Variants in DGKB observed in about 807,000 individuals in gnomAD.
DGKB encodes 90 kDa diacylglycerol kinase.
A neutral mutation model predicts 114.3 loss-of-function variants in DGKB; 67 were observed. That is an observed-to-expected ratio of 0.59 (90% confidence interval 0.48 to 0.72). The LOEUF (loss-of-function observed/expected upper bound fraction) is 0.72. Among genes scored for constraint, DGKB ranks in the 30% least tolerant of loss-of-function variants. DGKB has a pLI of 0.00. For synonymous variants in DGKB, 398 were observed against 323.1 expected, an observed-to-expected ratio of 1.23 and a Z score of -2.49; for missense variants, 907 against 975.2, an observed-to-expected ratio of 0.93 and a Z score of 0.93.
At chr7:14,605,652 G>A (rs1343097604) in intron 17 of DGKB, among the ~76,000 whole-genome samples, 1 of 151,890 alleles carries the variant, frequency 6.6e-6, no homozygotes, top group Non-Finnish European at 1.5e-5. Context: ...AACTGAAAGA[G>A]TAGAAGGAAA....
chr7:14,809,176 C>A (rs565773874), intron 2 of DGKB, among the ~76,000 whole-genome samples: 1 of 151,778 alleles, frequency 6.6e-6, no homozygotes, highest in Non-Finnish European at 1.5e-5. Flanking sequence ...AATTCTATCC[C>A]GAAATTTAAG....
rs551618345 is a variant in DGKB at position 14,689,199 on chromosome 7, A to ATTTTTTTTTTTTTTTTT, written c.712-3854_712-3838dup. On this transcript the variant is annotated intron_variant, in intron 9 of 25. Coordinates refer to ENST00000402815, the MANE Select transcript of DGKB (RefSeq NM_001350709.2). ...TGACAATGTGACAGAAACTCCTCTT[A>ATTTTTTTTTTTTTTTTT]TTTTTTTTTTTTTTTTTTTTTTTTT... is the stretch of plus-strand genomic sequence containing the variant. Among the ~76,000 whole-genome samples the ATTTTTTTTTTTTTTTTT allele has an allele frequency of 1.8e-3, 136 of 76,552 alleles. 22 individuals carry two copies. Among genetic ancestry groups the ATTTTTTTTTTTTTTTTT allele is most frequent in the East Asian group, 9.1e-3 (13 of 1,424 alleles). The allele number at this position is 76,552 out of a possible 152,430, so 50.2% of individuals were successfully genotyped here.
intron 23 of DGKB, among the ~76,000 whole-genome samples, chr7:14,262,456 T>G (rs1477781545): frequency 1.3e-5 from 2 of 152,068 alleles, no homozygotes; most frequent in African/African-American, 4.8e-5. Context: ...TGAGTGAGAG[T>G]GAGAGCACAG....
chr7:14,175,899 G>T (rs1189123455), intron 25 of DGKB: 2 of 152,032 alleles, frequency 1.3e-5, no homozygotes, highest in African/African-American at 4.8e-5. Context: ...CCGCCTCCCG[G>T]GTTCAAGTGA....
At chr7:14,169,619 C>T (rs528406476) in intron 25 of DGKB, among the ~76,000 whole-genome samples, 1 of 152,144 alleles carries the variant, frequency 6.6e-6, no homozygotes, top group South Asian at 2.1e-4. Flanking sequence ...AGATTCTGAA[C>T]TTTTTTCTGT....
At chr7:14,427,944 A>G (rs1827823633) in intron 21 of DGKB, among the ~76,000 whole-genome samples, 1 of 152,090 alleles carries the variant, frequency 6.6e-6, no homozygotes, top group African/African-American at 2.4e-5. Flanking sequence ...TTCTTAAATT[A>G]TATCTTTCTC....
At chr7:14,382,458 AC>A (rs1468297656) in intron 21 of DGKB, among the ~76,000 whole-genome samples, 22 of 151,954 alleles carry the variant, frequency 1.4e-4, no homozygotes, top group African/African-American at 4.8e-4. Flanking sequence ...CTGTACACAC[AC>A]ACACACACAG....
intron 20 of DGKB, among the ~76,000 whole-genome samples, chr7:14,499,836 A>T (rs998311140): frequency 1.4e-5 from 2 of 146,136 alleles, no homozygotes; most frequent in Non-Finnish European, 3.0e-5. Context: ...AAAGGAAAGA[A>T]TGATTAAATA....
At chr7:14,878,627 T>C (rs1853690254) in intron 1 of DGKB, among the ~76,000 whole-genome samples, 1 of 151,596 alleles carries the variant, frequency 6.6e-6, no homozygotes. Flanking sequence ...CGGGCGCCTG[T>C]AGTCCCAGCT....
chr7:14,386,322 T>G (rs1243587924), intron 21 of DGKB, among the ~76,000 whole-genome samples: 1 of 152,210 alleles, frequency 6.6e-6, no homozygotes, highest in Non-Finnish European at 1.5e-5. Flanking sequence ...TCTTTGAACT[T>G]CATACTTTTC....
chr7:14,184,313 G>T (rs759057603), intron 23 of DGKB, among the ~76,000 whole-genome samples: 1 of 152,168 alleles, frequency 6.6e-6, no homozygotes, highest in African/African-American at 2.4e-5. Context: ...AGGAGAGGGC[G>T]CAAATCTGGT....
At chr7:14,906,447 C>CTTTTTTTTTTTTTTTTTT (rs34250901), upstream of DGKB, among the ~76,000 whole-genome samples, 25 of 103,880 alleles carry the variant, frequency 2.4e-4, no homozygotes, top group Non-Finnish European at 3.9e-4. Context: ...TTTTTTCTGT[C>CTTTTTTTTTTTTTTTTTT]TTTTTTTTTT....
rs576836350 is a variant in DGKB at position 14,332,955 on chromosome 7, G to A, written c.2122+5560C>T. 2.6e-5 allele frequency among the ~76,000 whole-genome samples: 4 copies of A among 152,264 alleles called. No individual in the cohort carries two copies. The East Asian group carries it at 7.7e-4, about 29-fold the overall frequency. On this transcript the variant is annotated intron_variant, in intron 23 of 25. Coordinates refer to ENST00000402815, the MANE Select transcript of DGKB (RefSeq NM_001350709.2). ...AATGAGGTTTCAAGCAGAAAGTCCA[G>A]CTGCTCCCTTAGCTTCTGGCAAATG...
At chr7:14,234,286 C>T (rs765844385) in intron 23 of DGKB, among the ~76,000 whole-genome samples, 3 of 151,884 alleles carry the variant, frequency 2.0e-5, no homozygotes, top group Non-Finnish European at 4.4e-5. Flanking sequence ...ATAGTAACTA[C>T]AGATTTAAAA....
chr7:14,679,043 G>T (rs1358585473), intron 12 of DGKB, among the ~76,000 whole-genome samples: 2 of 151,920 alleles, frequency 1.3e-5, no homozygotes, highest in African/African-American at 2.4e-5. Flanking sequence ...TTGGGCTTAG[G>T]ATTTAGTGAG....
chr7:14,739,835 T>C (rs1832294059), intron 4 of DGKB, among the ~76,000 whole-genome samples: 1 of 152,184 alleles, frequency 6.6e-6, no homozygotes. Flanking sequence ...AGGACTGTAA[T>C]GGCACCTATC....
intron 25 of DGKB, among the ~76,000 whole-genome samples, chr7:14,171,147 G>T (rs980413331): frequency 2.0e-5 from 3 of 152,248 alleles, no homozygotes; most frequent in Middle Eastern, 3.4e-3. Flanking sequence ...GGGCAAACAG[G>T]TTTAAGATCT....
chr7:14,353,964 T>G (rs1409089601), intron 21 of DGKB, among the ~76,000 whole-genome samples: 1 of 152,184 alleles, frequency 6.6e-6, no homozygotes, highest in Non-Finnish European at 1.5e-5. Context: ...GAAACACTGC[T>G]TTTTTGGAGT....
intron 1 of DGKB, among the ~76,000 whole-genome samples, chr7:14,964,827 A>C (rs1211034039): frequency 6.6e-6 from 1 of 152,204 alleles, no homozygotes. Context: ...TTTACATTAT[A>C]GGCTTTTATG....
Sources: allele counts gnomAD v4.1 joint callset (sites outside exome capture counted in the v4.1 genomes callset), GRCh38; gene constraint gnomAD v4.1.1; transcripts MANE v1.5; gene names NCBI Gene and HGNC (gene_info 2026-07-23, HGNC 2026-07-21).